RAD54L2: variants seen among roughly 807,000 people sequenced by gnomAD.
RAD54L2 encodes RAD54 like 2, also known as helicase ARIP4.
Under a neutral mutation model 138.4 loss-of-function variants are expected in RAD54L2, and 27 were observed. The ratio of observed to expected loss-of-function variants is 0.20; its 90% CI spans 0.14 to 0.27. The LOEUF (loss-of-function observed/expected upper bound fraction) is 0.27, where lower values mean the gene tolerates loss of function less well. RAD54L2 is among the 10% of genes least tolerant of loss of function. The pLI is 1.00. For missense variants in RAD54L2, 1,396 were observed against 1,890.2 expected (o/e 0.74, Z 4.85); for synonymous variants, 644 against 723.2 (o/e 0.89, Z 1.76).
chr3:51,558,099 G>C (rs1344869031), intron 2 of RAD54L2, among the ~76,000 whole-genome samples: 1 of 151,912 alleles, frequency 6.6e-6, no homozygotes, highest in Non-Finnish European at 1.5e-5. Context: ...GCCCACCTCA[G>C]CTTCCCAAAG....
At chr3:51,555,925 C>G (rs753995411) in intron 2 of RAD54L2, among the ~76,000 whole-genome samples, 1 of 152,154 alleles carries the variant, frequency 6.6e-6, no homozygotes, top group Admixed American at 6.6e-5. Flanking sequence ...TTACACAGCC[C>G]CTTTTGCATT....
chr3:51,634,472 T>G (rs960207219), intron 9 of RAD54L2, among the ~76,000 whole-genome samples: 4 of 149,036 alleles, frequency 2.7e-5, no homozygotes. Flanking sequence ...CAGGTTCAAG[T>G]GATTCTCCTG....
intron 2 of RAD54L2, among the ~76,000 whole-genome samples, chr3:51,579,145 G>A (rs1699551680): frequency 6.6e-6 from 1 of 150,674 alleles, no homozygotes; most frequent in African/African-American, 2.4e-5. Flanking sequence ...TCCTCTCTCT[G>A]CAGGCTGAGC....
intron 3 of RAD54L2, among the ~76,000 whole-genome samples, chr3:51,606,873 G>C (rs1052885471): frequency 5.9e-5 from 9 of 151,610 alleles, no homozygotes; most frequent in Non-Finnish European, 7.4e-5. Context: ...GTGGAAACAG[G>C]GTTTCATCAT....
intron 2 of RAD54L2, among the ~76,000 whole-genome samples, chr3:51,580,764 T>A (rs1699587956): frequency 6.6e-6 from 1 of 152,172 alleles, no homozygotes; most frequent in South Asian, 2.1e-4. Context: ...AACATTACCA[T>A]TGATTTTAGA....
chr3:51,662,457 C>G lies in RAD54L2; in HGVS notation c.3441C>G (p.Ser1147Arg). ...GSQGPSCEST[S>R]NGRHSASSPK... ...AGGGACCTTCTTGCGAGTCCACAAG[C>G]AACGGCAGACACAGTGCCTCATCAC... The change falls in exon 23 of 23, where the codon AGC (serine) becomes AGG (arginine). Residue 1147 changes from serine to arginine, a missense_variant. Around this residue, in one of 7 missense-constraint regions of RAD54L2, gnomAD observed 634 missense variants for 711.2 expected, o/e 0.89. Transcript: ENST00000684192. This position sits in a 1 kb window ranked among gnomAD's most constrained non-coding sequence, Gnocchi z 4.6. 6.5e-7 allele frequency: 1 copy of G among 1,545,936 alleles called. No individual in the cohort carries two copies. The highest frequency in any genetic ancestry group is 8.7e-7 in the Non-Finnish European group (1 of 1,146,416).
At chr3:51,647,814 A>G (rs1385227279) in intron 19 of RAD54L2, among the ~76,000 whole-genome samples, 1 of 152,084 alleles carries the variant, frequency 6.6e-6, no homozygotes, top group Admixed American at 6.6e-5. Flanking sequence ...TGCCCAGCCT[A>G]AAATTTTTTT....
At chr3:51,555,101 C>T (rs1441994643) in intron 2 of RAD54L2, among the ~76,000 whole-genome samples, 3 of 152,088 alleles carry the variant, frequency 2.0e-5, no homozygotes, top group African/African-American at 7.2e-5. Context: ...CATCGGCCTC[C>T]CAAATGCTGG....
intron 2 of RAD54L2, among the ~76,000 whole-genome samples, chr3:51,565,814 T>C (rs903330929): frequency 6.7e-6 from 1 of 149,838 alleles, no homozygotes; most frequent in Non-Finnish European, 1.5e-5. Context: ...GTAGCCACCT[T>C]ACTGAGCTCC....
chr3:51,604,720 G>A (rs1249550687), intron 3 of RAD54L2, among the ~76,000 whole-genome samples: 1 of 152,158 alleles, frequency 6.6e-6, no homozygotes, highest in Admixed American at 6.6e-5. Flanking sequence ...GCTGGACCCA[G>A]TGCTCCTGCA....
rs1701898832 is a variant in RAD54L2, at chr3:51,665,839, G to A, written c.*2419G>A. 1.3e-5 allele frequency: 2 copies of A among 152,218 alleles called. No individual in the cohort carries two copies. The highest frequency in any genetic ancestry group is 2.9e-5 in the Non-Finnish European group (2 of 68,044). The allele number at this position is 152,218 out of a possible 1,614,324, so 9.4% of individuals were successfully genotyped here. A position where few individuals can be genotyped will look rare whatever the true frequency, so the allele number is the denominator to read the frequency against. On this transcript the variant is annotated 3_prime_UTR_variant, in exon 23 of 23. Transcript: ENST00000684192. Reference sequence around the variant, plus strand: ...GTGTGTGTGTGTTGTCGGGAGAAGGGGGTAGTATTTCTGTGTTCACTTCTA... The same window carrying A: ...GTGTGTGTGTGTTGTCGGGAGAAGGAGGTAGTATTTCTGTGTTCACTTCTA...
chr3:51,620,378 C>T (rs1229958926), intron 3 of RAD54L2, among the ~76,000 whole-genome samples: 4 of 141,082 alleles, frequency 2.8e-5, no homozygotes, highest in Admixed American at 7.4e-5. Context: ...GGATTACAGG[C>T]GTGATCCACT....
intron 2 of RAD54L2, among the ~76,000 whole-genome samples, chr3:51,574,474 T>C (rs1445381986): frequency 6.6e-5 from 10 of 152,192 alleles, no homozygotes; most frequent in Admixed American, 3.3e-4. Context: ...AGTGTAAAAG[T>C]GTTCCTATTT....
chr3:51,551,855 C>T (rs955450671), intron 2 of RAD54L2, among the ~76,000 whole-genome samples: 2 of 151,596 alleles, frequency 1.3e-5, no homozygotes, highest in Admixed American at 6.6e-5. Context: ...TGGGTTCAGA[C>T]GATTCTCCTG....
At chr3:51,640,242 T>C (rs761044275) in intron 14 of RAD54L2, among the ~76,000 whole-genome samples, 7 of 152,218 alleles carry the variant, frequency 4.6e-5, no homozygotes, top group Non-Finnish European at 1.5e-5. Context: ...TTTGTTTACT[T>C]TGAGAGCTAA....
intron 2 of RAD54L2, among the ~76,000 whole-genome samples, chr3:51,571,131 T>C (rs1422393916): frequency 2.6e-5 from 4 of 152,296 alleles, no homozygotes; most frequent in South Asian, 4.1e-4. Context: ...AGAAAATGCG[T>C]AGGCTTTGAA....
intron 19 of RAD54L2, among the ~76,000 whole-genome samples, chr3:51,651,313 A>C (rs1383922423): frequency 1.3e-5 from 2 of 152,152 alleles, no homozygotes; most frequent in Non-Finnish European, 2.9e-5. Context: ...CAACCAAAAA[A>C]AGTCCAGGAC....
At chr3:51,613,084 C>T (rs924022654) in intron 3 of RAD54L2, among the ~76,000 whole-genome samples, 20 of 152,094 alleles carry the variant, frequency 1.3e-4, no homozygotes, top group Middle Eastern at 3.4e-3. Flanking sequence ...GGACTACAGG[C>T]GCCTGCCACC....
chr3:51,574,040 C>A (rs556732564), intron 2 of RAD54L2, among the ~76,000 whole-genome samples: 16 of 148,456 alleles, frequency 1.1e-4, no homozygotes, highest in African/African-American at 3.7e-4. Context: ...GTTCCCCACC[C>A]TGTGTCCAAG....
Sources: allele counts gnomAD v4.1 joint callset (sites outside exome capture counted in the v4.1 genomes callset), GRCh38; gene constraint gnomAD v4.1.1; regional missense constraint gnomAD v4.1.1; non-coding constraint Gnocchi (gnomAD v3.1); transcripts MANE v1.5; gene names NCBI Gene and HGNC (gene_info 2026-07-23, HGNC 2026-07-21).